TTC27: variants seen among roughly 807,000 people sequenced by gnomAD.
TTC27 encodes the protein tetratricopeptide repeat domain 27.
TTC27 carries 79 observed loss-of-function variants against 115.9 expected under a neutral mutation model. The observed-to-expected ratio is 0.68, with a 90% CI of 0.57 to 0.82. TTC27 has a LOEUF of 0.82. Ranked by LOEUF, TTC27 falls within the 40% of genes least tolerant of loss-of-function variation. The pLI is 0.00. For synonymous variants in TTC27, 401 were observed against 356.0 expected (o/e 1.13, Z -1.42); for missense variants, 1,054 against 993.1 (o/e 1.06, Z -0.82).
At chr2:32,679,462 A>C (rs1370990425) in intron 9 of TTC27, among the ~76,000 whole-genome samples, 1 of 152,244 alleles carries the variant, frequency 6.6e-6, no homozygotes, top group Non-Finnish European at 1.5e-5. Context: ...TTTTAGATCA[A>C]GAAGGGCTTT....
intron 12 of TTC27, among the ~76,000 whole-genome samples, chr2:32,747,568 G>A (rs980509584): frequency 6.6e-6 from 1 of 152,134 alleles, no homozygotes; most frequent in African/African-American, 2.4e-5. Flanking sequence ...TGGTACCATT[G>A]TAAATTTAAA....
At chr2:32,778,695 A>G (rs1670077835) in intron 14 of TTC27, among the ~76,000 whole-genome samples, 1 of 152,198 alleles carries the variant, frequency 6.6e-6, no homozygotes, top group Non-Finnish European at 1.5e-5. Flanking sequence ...ATGACCAAAT[A>G]ATATTCCATT....
chr2:32,740,567 C>T (rs1668598027), intron 12 of TTC27, among the ~76,000 whole-genome samples: 1 of 152,036 alleles, frequency 6.6e-6, no homozygotes, highest in Non-Finnish European at 1.5e-5. Flanking sequence ...GCCATTCTCA[C>T]CCCAAGTAAC....
At chr2:32,680,668 G>A (rs1263848126) in intron 9 of TTC27, among the ~76,000 whole-genome samples, 1 of 152,132 alleles carries the variant, frequency 6.6e-6, no homozygotes, top group Non-Finnish European at 1.5e-5. Flanking sequence ...GTGATGAATG[G>A]TGACCTGGAT....
intron 16 of TTC27, among the ~76,000 whole-genome samples, chr2:32,800,130 A>C (rs1670870953): frequency 6.6e-6 from 1 of 152,220 alleles, no homozygotes. Flanking sequence ...GGAGTAAATG[A>C]GTTAATATAT....
rs542483294 is a variant in TTC27, at chr2:32,633,486, T to C, written c.267-390T>C. ...GGAGTACAGTGCTATGATCAAAGCT[T>C]ACTACAGCCTCAAACTCCTGGGCTG... is the stretch of plus-strand genomic sequence containing the variant. On this transcript the variant is annotated intron_variant, in intron 2 of 19. Transcript: ENST00000317907. Among the ~76,000 whole-genome samples the C allele has an allele frequency of 1.2e-4, 19 of 152,216 alleles. 1 individual carries two copies. In the East Asian group the frequency reaches 2.9e-3, roughly 23 times the overall value.
At chr2:32,780,140 T>C (rs761173240) in intron 14 of TTC27, 15 of 458,534 alleles carry the variant, frequency 3.3e-5, no homozygotes, top group South Asian at 2.2e-4. Flanking sequence ...GTTCTTCCTT[T>C]ACAAGATAGT....
At chr2:32,763,153 T>G (rs1032267184) in intron 13 of TTC27, among the ~76,000 whole-genome samples, 7 of 152,240 alleles carry the variant, frequency 4.6e-5, no homozygotes, top group Non-Finnish European at 1.0e-4. Flanking sequence ...ATTTTGGAGC[T>G]TCTCATATGG....
At position 32,695,355 on chromosome 2, in the gene TTC27, G is replaced by A. The variant is rs557222527; in HGVS notation, c.1120-7452G>A. Among the ~76,000 whole-genome samples, 9 of 152,196 alleles carry A rather than the reference G, an allele frequency of 5.9e-5. No homozygotes were observed. In the East Asian group the frequency reaches 1.2e-3, roughly 20 times the overall value. Reference sequence around the variant, plus strand: ...TCTCAACACTTTGGGAGGCCAAGGCGGGTGGATCACCTGAGGTCAGGAGTT... The same window carrying A: ...TCTCAACACTTTGGGAGGCCAAGGCAGGTGGATCACCTGAGGTCAGGAGTT... On this transcript the variant is annotated intron_variant, in intron 9 of 19. Coordinates refer to ENST00000317907, the MANE Select transcript of TTC27 (RefSeq NM_017735.5).
chr2:32,702,343 C>T (rs1382322404), intron 9 of TTC27, among the ~76,000 whole-genome samples: 1 of 151,874 alleles, frequency 6.6e-6, no homozygotes, highest in Non-Finnish European at 1.5e-5. Flanking sequence ...ACATTGTGCT[C>T]ATTATACTAA....
At chr2:32,654,376 G>A (rs886267889) in intron 5 of TTC27, among the ~76,000 whole-genome samples, 27 of 151,968 alleles carry the variant, frequency 1.8e-4, no homozygotes, top group African/African-American at 6.3e-4. Flanking sequence ...TATAGTAGTG[G>A]ATATAGTGTG....
Position 32,733,943 on chromosome 2 carries a change from T to C in TTC27, c.1329+20T>C, listed in dbSNP as rs1279526063. 1.9e-6 allele frequency: 3 copies of C among 1,555,088 alleles called. No individual in the cohort carries two copies. The South Asian group carries it at 3.4e-5, about 18-fold the overall frequency. ...ATTCAGGTATTTCTGTTGTTTGTCATTGGGTATGGAAATTACTTGGCATTA... is the reference window on the plus strand; with the variant it reads ...ATTCAGGTATTTCTGTTGTTTGTCACTGGGTATGGAAATTACTTGGCATTA... On this transcript the variant is annotated intron_variant, in intron 11 of 19. Coordinates refer to ENST00000317907, the MANE Select transcript of TTC27 (RefSeq NM_017735.5).
At chr2:32,760,006 T>C (rs2218898) in intron 13 of TTC27, among the ~76,000 whole-genome samples, 114,480 of 152,168 alleles carry the variant, frequency 0.75, 43,122 homozygotes, top group South Asian at 0.81. Context: ...GATGGATACT[T>C]GGCTTACTTC....
chr2:32,649,607 C>CG (rs1665007558), intron 4 of TTC27, among the ~76,000 whole-genome samples: 1 of 150,354 alleles, frequency 6.7e-6, no homozygotes, highest in Non-Finnish European at 1.5e-5. Context: ...TGCAATGGTG[C>CG]ATCCTCGGCT....
chr2:32,677,421 T>G (rs953415775), intron 8 of TTC27, among the ~76,000 whole-genome samples: 2 of 151,994 alleles, frequency 1.3e-5, no homozygotes, highest in African/African-American at 4.8e-5. Context: ...CGAGGATATG[T>G]GAATGTTCAC....
chr2:32,764,041 G>A (rs1044601231), intron 13 of TTC27, among the ~76,000 whole-genome samples: 4 of 152,136 alleles, frequency 2.6e-5, no homozygotes, highest in Non-Finnish European at 4.4e-5. Context: ...CAGCTATCAA[G>A]CCAGTACGTT....
In TTC27 at chr2:32,733,850, A is replaced by G. The variant is rs563562841; in HGVS notation, c.1256A>G (p.Asp419Gly). 6.2e-7 allele frequency: 1 copy of G among 1,611,290 alleles called. No individual in the cohort carries two copies. Among genetic ancestry groups the G allele is most frequent in the African/African-American group, 1.3e-5 (1 of 74,994 alleles). The change falls in exon 11 of 20, where the codon GAT becomes GGT. Residue 419 changes from aspartate to glycine, a missense_variant. By Grantham distance (94) the Asp-to-Gly change is moderately conservative. Transcript: ENST00000317907. ...AAGGCTCTTGCAGACCAATTTGAAG[A>G]TAAAACTACATCTGTATTGGAACGC... ...QTQALADQFE[D>G]KTTSVLERLK...
intron 5 of TTC27, among the ~76,000 whole-genome samples, chr2:32,654,781 T>C (rs1168943056): frequency 6.6e-6 from 1 of 151,594 alleles, no homozygotes; most frequent in Non-Finnish European, 1.5e-5. Flanking sequence ...CTGCAACCTC[T>C]GTCTCCCGGG....
At chr2:32,797,219 G>T (rs1481619041) in intron 16 of TTC27, among the ~76,000 whole-genome samples, 1 of 151,194 alleles carries the variant, frequency 6.6e-6, no homozygotes, top group Non-Finnish European at 1.5e-5. Context: ...TGTCGAACAG[G>T]CTGGAGTGCA....
Sources: gnomAD v4.1 joint callset for allele counts (sites outside exome capture counted in the v4.1 genomes callset) on GRCh38, gnomAD v4.1.1 for gene constraint, MANE v1.5 for transcripts, NCBI Gene and HGNC (gene_info 2026-07-23, HGNC 2026-07-21) for gene names.